Variants in ACACB observed in about 807,000 individuals in gnomAD.
The protein encoded by ACACB is acetyl-CoA carboxylase beta, also known as acetyl-CoA carboxylase 2.
Under a neutral mutation model 278.8 loss-of-function variants are expected in ACACB, and 209 were observed. The ratio of observed to expected loss-of-function variants is 0.75; its 90% CI spans 0.67 to 0.84. The LOEUF (loss-of-function observed/expected upper bound fraction) is 0.84. ACACB is among the 40% of genes least tolerant of loss of function. The probability of loss-of-function intolerance (pLI) is 0.00; values close to 1 mark genes in which losing one functional copy is unlikely to be tolerated. For synonymous variants in ACACB, 1,174 were observed against 1,285.6 expected (o/e 0.91, Z 1.86); for missense variants, 2,850 against 3,269.0 (o/e 0.87, Z 3.13).
chr12:109,157,890 T>C (rs1053223352), intron 2 of ACACB, among the ~76,000 whole-genome samples: 3 of 152,298 alleles, frequency 2.0e-5, no homozygotes, highest in Middle Eastern at 3.4e-3. Flanking sequence ...GAGGCAGAAG[T>C]TGTTTTTTAA....
At chr12:109,187,534 C>T (rs1031943783) in intron 12 of ACACB, among the ~76,000 whole-genome samples, 1 of 151,812 alleles carries the variant, frequency 6.6e-6, no homozygotes, top group Non-Finnish European at 1.5e-5. Flanking sequence ...AGTCATGCCT[C>T]ACTGCAGCCT....
At chr12:109,260,790 T>G (rs943157691) in intron 48 of ACACB, 133 bp downstream of exon 48, 1 of 979,500 alleles carries the variant, frequency 1.0e-6, no homozygotes, top group Non-Finnish European at 1.4e-6. Context: ...GTCTCTTCTT[T>G]CATGGTTTCC....
At chr12:109,225,278 C>A (rs928360794) in intron 27 of ACACB, among the ~76,000 whole-genome samples, 3 of 152,250 alleles carry the variant, frequency 2.0e-5, no homozygotes, top group African/African-American at 7.2e-5. Context: ...CAGGTGCATG[C>A]CACCATGCTT....
intron 43 of ACACB, 87 bp from the exon 44 acceptor site, chr12:109,254,127 A>G (rs1374804384): frequency 6.6e-7 from 1 of 1,513,044 alleles, no homozygotes. Flanking sequence ...AACCAGGCAT[A>G]ATCATAGTCA....
intron 26 of ACACB, 30 bp downstream of exon 26, chr12:109,222,942 G>T (rs1172114393): frequency 6.5e-7 from 1 of 1,541,710 alleles, no homozygotes; most frequent in Non-Finnish European, 8.9e-7. Flanking sequence ...TTCACCATCT[G>T]CAGAGCACAC....
At chr12:109,171,750 C>A in intron 4 of ACACB, 55 bp from the exon 5 acceptor site, 1 of 1,318,752 alleles carries the variant, frequency 7.6e-7, no homozygotes, top group Non-Finnish European at 1.1e-6. Flanking sequence ...TAATGTTCTG[C>A]CATTGATGTC....
intron 19 of ACACB, among the ~76,000 whole-genome samples, chr12:109,203,581 A>T (rs1200040478): frequency 2.0e-5 from 3 of 152,218 alleles, no homozygotes; most frequent in Admixed American, 6.5e-5. Context: ...CCCCAGTGCC[A>T]AAAACAGGGC....
intron 2 of ACACB, among the ~76,000 whole-genome samples, chr12:109,149,173 T>C (rs928361327): frequency 6.6e-6 from 1 of 152,102 alleles, no homozygotes; most frequent in African/African-American, 2.4e-5. Context: ...CTGCCTAACC[T>C]TCCCCCAGCG....
At chr12:109,133,859 ATATATTTTTT>A (rs1173691878) in intron 1 of ACACB, among the ~76,000 whole-genome samples, 2 of 48,248 alleles carry the variant, frequency 4.1e-5, no homozygotes, top group South Asian at 8.7e-4. Context: ...ATATATATAT[ATATATTTTTT>A]TTTTTTTTTT....
chr12:109,159,168 A>G (rs540616297), intron 2 of ACACB, among the ~76,000 whole-genome samples: 3 of 152,254 alleles, frequency 2.0e-5, no homozygotes, highest in African/African-American at 7.2e-5. Flanking sequence ...CCAAGGGTCC[A>G]TTTCTGGAGA....
At chr12:109,167,648 T>C (rs1225552598) in intron 3 of ACACB, among the ~76,000 whole-genome samples, 1 of 138,594 alleles carries the variant, frequency 7.2e-6, no homozygotes, top group Non-Finnish European at 1.5e-5. Flanking sequence ...TATATATATA[T>C]ATATATTTCA....
chr12:109,185,972 C>T (rs1037347208), intron 12 of ACACB, among the ~76,000 whole-genome samples: 1 of 151,934 alleles, frequency 6.6e-6, no homozygotes, highest in Non-Finnish European at 1.5e-5. Context: ...ACCCTGTCAC[C>T]CAGGCTGGAG....
intron 9 of ACACB, among the ~76,000 whole-genome samples, chr12:109,177,643 C>T (rs923202444): frequency 1.3e-5 from 2 of 152,156 alleles, no homozygotes; most frequent in Admixed American, 6.6e-5. Context: ...ATCTATCCTT[C>T]GCCCGGTTTC....
chr12:109,128,098 G>A (rs1278102772), intron 1 of ACACB, among the ~76,000 whole-genome samples: 4 of 152,026 alleles, frequency 2.6e-5, no homozygotes, highest in South Asian at 2.1e-4. Flanking sequence ...TCTCCAACCC[G>A]GAAGGTATCC....
At chr12:109,264,999 G>A in intron 50 of ACACB, 111 bp from the exon 51 acceptor site, 1 of 1,223,068 alleles carries the variant, frequency 8.2e-7, no homozygotes, top group Non-Finnish European at 1.1e-6. Flanking sequence ...ATCTGGGAAT[G>A]ATCTCAGAGC....
intron 37 of ACACB, 127 bp downstream of exon 37, chr12:109,242,719 G>T: frequency 8.5e-7 from 1 of 1,169,948 alleles, no homozygotes. Flanking sequence ...CAGGTGCGGT[G>T]GCTCACGCCT....
In ACACB at chr12:109,201,715, C is replaced by T. The variant is rs753711167; in HGVS notation, c.2913+14C>T. The T allele has an allele frequency of 2.0e-5, 33 of 1,612,838 alleles. No homozygotes were observed. The highest frequency in any genetic ancestry group is 8.9e-5 in the East Asian group (4 of 44,872). ...AAAGTCCACCCGGTATGTGGCTCCA[C>T]GGCCCAAGTGCTCTGGCTGGTGCAG... is the stretch of plus-strand genomic sequence containing the variant. On this transcript the variant is annotated intron_variant, in intron 19 of 52. Coordinates refer to ENST00000338432, the MANE Select transcript of ACACB (RefSeq NM_001093.4).
intron 17 of ACACB, 36 bp from the exon 18 acceptor site, chr12:109,199,366 C>T (rs773906699): frequency 2.1e-6 from 3 of 1,421,782 alleles, no homozygotes; most frequent in Non-Finnish European, 2.8e-6. Flanking sequence ...TGGTAGTCCT[C>T]ATCAGTCTCC....
intron 16 of ACACB, among the ~76,000 whole-genome samples, chr12:109,196,608 C>T (rs1050738567): frequency 6.6e-6 from 1 of 152,168 alleles, no homozygotes; most frequent in Non-Finnish European, 1.5e-5. Flanking sequence ...GGGATTTCAA[C>T]TTATGAATTT....
Sources: allele counts gnomAD v4.1 joint callset (sites outside exome capture counted in the v4.1 genomes callset), GRCh38; gene constraint gnomAD v4.1.1; transcripts MANE v1.5; gene names NCBI Gene and HGNC (gene_info 2026-07-23, HGNC 2026-07-21).